Variants in L3MBTL3 observed in about 807,000 individuals in gnomAD.
L3MBTL3 encodes the protein lethal(3)malignant brain tumor-like protein 3.
A neutral mutation model predicts 102.3 loss-of-function variants in L3MBTL3; 27 were observed. The ratio of observed to expected loss-of-function variants is 0.26; its 90% CI spans 0.19 to 0.36. L3MBTL3 has a LOEUF of 0.36. L3MBTL3 is among the 10% of genes least tolerant of loss of function. L3MBTL3 has a pLI of 1.00. For missense variants in L3MBTL3, 798 were observed against 955.3 expected (o/e 0.84, Z 2.17); for synonymous variants, 340 against 320.9 (o/e 1.06, Z -0.64).
In L3MBTL3 at chr6:130,042,783, A is replaced by G. The variant is rs1181429636; in HGVS notation, c.84A>G (p.Leu28=). The change falls in exon 3 of 23, where the codon TTA becomes TTG. Residue 28 remains leucine (L), a synonymous_variant. Transcript: ENST00000361794. The part of the protein sequence containing the change: ...VMDWKDGVGT[L]PGSDLKFRVN... The stretch of plus-strand genomic sequence containing the variant: ...ACTGGAAAGATGGAGTGGGCACGTT[A>G]CCAGGAAGTGACTTAAAGGTAAACC... 6.2e-7 allele frequency: 1 copy of G among 1,612,302 alleles called. No homozygotes were observed. The highest frequency in any genetic ancestry group is 8.5e-7 in the Non-Finnish European group (1 of 1,178,406).
At chr6:130,103,127 ATAAAG>A (rs1784798732) in intron 18 of L3MBTL3, among the ~76,000 whole-genome samples, 1 of 152,236 alleles carries the variant, frequency 6.6e-6, no homozygotes, top group African/African-American at 2.4e-5. Context: ...TGTTGGCAAG[ATAAAG>A]TAAAATATTG....
intron 2 of L3MBTL3, among the ~76,000 whole-genome samples, chr6:130,040,728 A>G (rs933381320): frequency 6.6e-6 from 1 of 152,210 alleles, no homozygotes; most frequent in Non-Finnish European, 1.5e-5. Flanking sequence ...CCGAATAAAC[A>G]TAGCTTGTTA....
intron 16 of L3MBTL3, among the ~76,000 whole-genome samples, chr6:130,092,487 T>C (rs1160762371): frequency 6.6e-6 from 1 of 152,152 alleles, no homozygotes; most frequent in Non-Finnish European, 1.5e-5. Context: ...GAAATACACA[T>C]AATATGTCTG....
intron 10 of L3MBTL3, among the ~76,000 whole-genome samples, chr6:130,064,098 C>A (rs1200817306): frequency 6.6e-6 from 1 of 152,188 alleles, no homozygotes; most frequent in Non-Finnish European, 1.5e-5. Context: ...TCCTTCCCAT[C>A]ACCATTTACT....
chr6:130,111,565 T>G (rs1307423291), intron 19 of L3MBTL3, among the ~76,000 whole-genome samples: 3 of 152,230 alleles, frequency 2.0e-5, no homozygotes, highest in African/African-American at 4.8e-5. Flanking sequence ...TGTGCTGACG[T>G]TGCTTTTGAT....
intron 14 of L3MBTL3, among the ~76,000 whole-genome samples, chr6:130,079,451 T>G (rs1188314768): frequency 6.6e-6 from 1 of 152,176 alleles, no homozygotes; most frequent in Admixed American, 6.5e-5. Flanking sequence ...TTTTATGTGC[T>G]AAAGAACAGA....
At chr6:130,100,261 G>A (rs1447443429) in intron 18 of L3MBTL3, among the ~76,000 whole-genome samples, 2 of 152,124 alleles carry the variant, frequency 1.3e-5, no homozygotes, top group Non-Finnish European at 2.9e-5. Context: ...CAGAATCTCG[G>A]AGCCTGTGCT....
At chr6:130,052,777 T>C in intron 6 of L3MBTL3, 82 bp from the exon 7 acceptor site, 1 of 1,473,176 alleles carries the variant, frequency 6.8e-7, no homozygotes, top group Middle Eastern at 1.8e-4. Context: ...TTTTTTTTAA[T>C]GATTGTTGCA....
At chr6:130,072,710 G>A (rs1277465752) in intron 13 of L3MBTL3, among the ~76,000 whole-genome samples, 1 of 152,108 alleles carries the variant, frequency 6.6e-6, no homozygotes, top group Non-Finnish European at 1.5e-5. Context: ...CGAAATCAGT[G>A]ACAGATATCA....
chr6:130,020,243 G>A (rs965034330), intron 1 of L3MBTL3, among the ~76,000 whole-genome samples: 6 of 151,372 alleles, frequency 4.0e-5, no homozygotes, highest in Non-Finnish European at 8.9e-5. Flanking sequence ...CGGGGCGGGG[G>A]GAAGTAGAGG....
At chr6:130,104,240 TG>T (rs1784858840) in intron 18 of L3MBTL3, among the ~76,000 whole-genome samples, 185 bp from the exon 19 acceptor site, 1 of 152,240 alleles carries the variant, frequency 6.6e-6, no homozygotes, top group African/African-American at 2.4e-5. Flanking sequence ...ATTTCCTATT[TG>T]TATATATTTG....
chr6:130,110,253 G>A (rs1285590653), intron 19 of L3MBTL3, among the ~76,000 whole-genome samples: 1 of 152,188 alleles, frequency 6.6e-6, no homozygotes. Context: ...CTGGTGGCCT[G>A]ATGGGAATAG....
At chr6:130,119,037 T>C (rs980185401) in intron 19 of L3MBTL3, among the ~76,000 whole-genome samples, 2 of 152,186 alleles carry the variant, frequency 1.3e-5, no homozygotes, top group African/African-American at 2.4e-5. Context: ...AAAGGAATAG[T>C]ATACTTTAAT....
At chr6:130,082,386 G>A (rs891041499) in intron 14 of L3MBTL3, among the ~76,000 whole-genome samples, 1 of 152,130 alleles carries the variant, frequency 6.6e-6, no homozygotes, top group Non-Finnish European at 1.5e-5. Flanking sequence ...TTCCTGCAAA[G>A]AATAGCTTTT....
intron 2 of L3MBTL3, among the ~76,000 whole-genome samples, chr6:130,030,177 A>G (rs1177220347): frequency 1.3e-5 from 2 of 152,198 alleles, no homozygotes; most frequent in East Asian, 1.9e-4. Flanking sequence ...TTTCTTTAGA[A>G]TAACTGTAAC....
intron 13 of L3MBTL3, among the ~76,000 whole-genome samples, chr6:130,072,637 A>G (rs7769599): frequency 0.27 from 40,731 of 152,148 alleles, 6,096 homozygotes; most frequent in African/African-American, 0.38. Flanking sequence ...AACAATTATC[A>G]ACTTATATCC....
At chr6:130,063,634 G>A (rs1047288083) in intron 10 of L3MBTL3, among the ~76,000 whole-genome samples, 3 of 151,898 alleles carry the variant, frequency 2.0e-5, no homozygotes, top group Non-Finnish European at 2.9e-5. Flanking sequence ...AATGTATATC[G>A]TTCATTCATT....
intron 14 of L3MBTL3, among the ~76,000 whole-genome samples, chr6:130,083,284 G>T (rs1439509199): frequency 6.6e-6 from 1 of 151,946 alleles, no homozygotes; most frequent in African/African-American, 2.4e-5. Flanking sequence ...ACAAACAATT[G>T]TGTGTTGCCT....
intron 14 of L3MBTL3, among the ~76,000 whole-genome samples, chr6:130,081,135 CT>C (rs1783314923): frequency 6.6e-6 from 1 of 152,154 alleles, no homozygotes; most frequent in Non-Finnish European, 1.5e-5. Context: ...ATCTTCATGC[CT>C]TTTAAAACTA....
Sources: allele counts gnomAD v4.1 joint callset (sites outside exome capture counted in the v4.1 genomes callset), GRCh38; gene constraint gnomAD v4.1.1; transcripts MANE v1.5; gene names NCBI Gene and HGNC (gene_info 2026-07-23, HGNC 2026-07-21).